DGKB: variants seen among roughly 807,000 people sequenced by gnomAD.
The protein encoded by DGKB is diacylglycerol kinase beta, also known as 90 kDa diacylglycerol kinase.
DGKB carries 67 observed loss-of-function variants against 114.3 expected under a neutral mutation model. That is an observed-to-expected ratio of 0.59 (90% CI 0.48 to 0.72). The LOEUF (loss-of-function observed/expected upper bound fraction) is 0.72, where lower values mean the gene tolerates loss of function less well. DGKB is among the 30% of genes least tolerant of loss of function. The pLI, the probability that DGKB is intolerant of heterozygous loss-of-function variation, is 0.00. For synonymous variants in DGKB, 398 were observed against 323.1 expected (o/e 1.23, Z -2.49); for missense variants, 907 against 975.2 (o/e 0.93, Z 0.93).
In DGKB at chr7:14,165,322, G is replaced by A. The variant is rs534906572; in HGVS notation, c.2304+11517C>T. Among the ~76,000 whole-genome samples, 15 of 152,292 alleles carry A rather than the reference G, an allele frequency of 9.8e-5. No individual in the cohort carries two copies. In the South Asian group the frequency reaches 2.9e-3, roughly 29 times the overall value. On this transcript the variant is annotated intron_variant, in intron 25 of 25. Transcript: ENST00000402815. ...GTTTTAATAAAATGGCTGAGATTCT[G>A]TAATAAAAGAGTGGTAAGGTTGTAC...
intron 13 of DGKB, among the ~76,000 whole-genome samples, chr7:14,667,764 GT>G (rs1221864301): frequency 6.6e-6 from 1 of 152,070 alleles, no homozygotes; most frequent in Non-Finnish European, 1.5e-5. Flanking sequence ...TCATTAATTT[GT>G]TTGAAGTATG....
At chr7:14,509,604 T>C (rs947150418) in intron 20 of DGKB, among the ~76,000 whole-genome samples, 17 of 152,230 alleles carry the variant, frequency 1.1e-4, no homozygotes, top group African/African-American at 4.1e-4. Flanking sequence ...CACATATTAA[T>C]CCTTTTCCTC....
chr7:14,607,183 A>C (rs992983127), intron 17 of DGKB, among the ~76,000 whole-genome samples: 1 of 100,536 alleles, frequency 9.9e-6, no homozygotes, highest in African/African-American at 3.3e-5. Flanking sequence ...TGTGTGTGTG[A>C]GATTAATATC....
At position 14,953,072 on chromosome 7, in the gene DGKB, T is replaced by C. The variant is rs937630439; in HGVS notation, c.-188+21624A>G. Among the ~76,000 whole-genome samples, 9 of 151,998 alleles carry C rather than the reference T, an allele frequency of 5.9e-5. No homozygotes were observed. The South Asian group carries it at 1.7e-3, about 28-fold the overall frequency. On this transcript the variant is annotated intron_variant, in intron 1 of 4. Transcript: ENST00000437998. ...ATAAAAATTTTCTAAAAATACACCA[T>C]AGGCCTACATGTAAGTATAAAAACT...
intron 13 of DGKB, among the ~76,000 whole-genome samples, chr7:14,654,786 C>G (rs542655630): frequency 3.3e-5 from 5 of 151,858 alleles, no homozygotes; most frequent in Non-Finnish European, 7.4e-5. Flanking sequence ...GGAAAAGACA[C>G]CCTCTATAAT....
chr7:14,834,893 A>G (rs1273955949), intron 2 of DGKB, among the ~76,000 whole-genome samples: 3 of 152,106 alleles, frequency 2.0e-5, no homozygotes, highest in East Asian at 1.9e-4. Context: ...AAATTATGGG[A>G]GTTTAGACGT....
intron 13 of DGKB, among the ~76,000 whole-genome samples, chr7:14,646,899 C>T (rs1239523085): frequency 6.6e-6 from 1 of 151,652 alleles, no homozygotes; most frequent in Non-Finnish European, 1.5e-5. Context: ...AACAACCTAA[C>T]AATACACCTC....
At position 14,450,747 on chromosome 7, in the gene DGKB, G is replaced by A. The variant is rs192168680; in HGVS notation, c.1835+27414C>T. On this transcript the variant is annotated intron_variant, in intron 21 of 25. Coordinates refer to ENST00000402815, the MANE Select transcript of DGKB (RefSeq NM_001350709.2). ...AGTAGAAAGTAGCAAAGAGCAGAAG[G>A]AGGTGTCCTATCAAGTGGATCTGAG... Among the ~76,000 whole-genome samples the A allele has an allele frequency of 1.5e-3, 223 of 152,178 alleles. 5 individuals are homozygous for A. In the South Asian group the frequency reaches 0.016, roughly 11 times the overall value.
chr7:14,345,228 C>T, intron 22 of DGKB, 73 bp downstream of exon 22: 1 of 801,964 alleles, frequency 1.2e-6, no homozygotes, highest in Non-Finnish European at 2.0e-6. Flanking sequence ...CCATGGGCTC[C>T]AATGCAAATA....
At chr7:14,500,372 T>C (rs1488474031) in intron 20 of DGKB, among the ~76,000 whole-genome samples, 1 of 151,764 alleles carries the variant, frequency 6.6e-6, no homozygotes, top group African/African-American at 2.4e-5. Flanking sequence ...AAAATAGGTA[T>C]TTTTTATTAT....
chr7:14,303,832 G>A (rs903880989), intron 23 of DGKB, among the ~76,000 whole-genome samples: 2 of 152,038 alleles, frequency 1.3e-5, no homozygotes, highest in African/African-American at 4.8e-5. Flanking sequence ...ACTTGCTGCT[G>A]AGTTTTCATG....
At chr7:14,802,699 A>G (rs113251157) in intron 2 of DGKB, among the ~76,000 whole-genome samples, 3 of 152,252 alleles carry the variant, frequency 2.0e-5, no homozygotes, top group African/African-American at 7.2e-5. Context: ...CAAATGTTAA[A>G]TGTTTCATTT....
intron 1 of DGKB, among the ~76,000 whole-genome samples, chr7:14,954,613 G>A (rs1016204773): frequency 6.6e-6 from 1 of 151,878 alleles, no homozygotes; most frequent in African/African-American, 2.4e-5. Context: ...TTTGGGGGGA[G>A]GGGGTTACAA....
At chr7:14,807,357 A>T (rs1303569993) in intron 2 of DGKB, among the ~76,000 whole-genome samples, 1 of 148,898 alleles carries the variant, frequency 6.7e-6, no homozygotes, top group Non-Finnish European at 1.5e-5. Flanking sequence ...TAATAAATAA[A>T]GAATGAATAA....
rs569748489 is a variant in DGKB at position 14,659,416 on chromosome 7, A to G, written c.1134+13513T>C. On this transcript the variant is annotated intron_variant, in intron 13 of 25. Transcript: ENST00000402815. ...ATCCTCTTTTATTTCCTTGAGCAGT[A>G]GTTTGTAGTTCTCCTTGAAGAGGTC... Among the ~76,000 whole-genome samples the G allele has an allele frequency of 4.7e-3, 711 of 151,620 alleles. 5 individuals are homozygous for G. Among genetic ancestry groups the G allele is most frequent in the African/African-American group, 0.016 (648 of 41,328 alleles).
chr7:14,776,120 C>A (rs769494088), intron 2 of DGKB, among the ~76,000 whole-genome samples: 1 of 152,112 alleles, frequency 6.6e-6, no homozygotes, highest in Non-Finnish European at 1.5e-5. Context: ...AGACTGGCAG[C>A]ATTTTGCCCC....
At chr7:14,745,241 C>A (rs918775481) in intron 4 of DGKB, among the ~76,000 whole-genome samples, 2 of 152,200 alleles carry the variant, frequency 1.3e-5, no homozygotes, top group Admixed American at 1.3e-4. Context: ...AAACTCCAAG[C>A]GATCATGCAA....
intron 23 of DGKB, among the ~76,000 whole-genome samples, chr7:14,289,697 C>T (rs1801431164): frequency 6.8e-6 from 1 of 146,078 alleles, no homozygotes; most frequent in East Asian, 2.0e-4. Context: ...CTTTACTTAT[C>T]ACTATTGTTT....
In DGKB at chr7:14,504,022, T is replaced by C. The variant is rs894299793; in HGVS notation, c.1771-25797A>G. On this transcript the variant is annotated intron_variant, in intron 20 of 25. Coordinates refer to ENST00000402815, the MANE Select transcript of DGKB (RefSeq NM_001350709.2). Reference sequence around the variant, plus strand: ...CAAACACAACCAAAAAGATGTTTTCTTAACTGGGAAATTATGATGTGCAGT... The same window carrying C: ...CAAACACAACCAAAAAGATGTTTTCCTAACTGGGAAATTATGATGTGCAGT... Among the ~76,000 whole-genome samples, 5 of 152,190 alleles carry C rather than the reference T, an allele frequency of 3.3e-5. No individual in the cohort carries two copies. The East Asian group carries it at 9.6e-4, about 29-fold the overall frequency.
Sources: allele counts gnomAD v4.1 joint callset (sites outside exome capture counted in the v4.1 genomes callset), GRCh38; gene constraint gnomAD v4.1.1; transcripts MANE v1.5; gene names NCBI Gene and HGNC (gene_info 2026-07-23, HGNC 2026-07-21).